DOCK4: variants seen among roughly 807,000 people sequenced by gnomAD.
The protein encoded by DOCK4 is dedicator of cytokinesis 4, also known as dedicator of cytokinesis protein 4.
DOCK4 carries 97 observed loss-of-function variants against 268.1 expected under a neutral mutation model. That is an observed-to-expected ratio of 0.36 (90% CI 0.31 to 0.43). The LOEUF (loss-of-function observed/expected upper bound fraction) is 0.43, where lower values mean the gene tolerates loss of function less well. DOCK4 is among the 20% of genes least tolerant of loss of function. The pLI is 1.00. For synonymous variants in DOCK4, 954 were observed against 887.2 expected (o/e 1.08, Z -1.34); for missense variants, 2,145 against 2,455.7 (o/e 0.87, Z 2.67).
intron 25 of DOCK4, 108 bp downstream of exon 25, chr7:111,844,655 G>A (rs998393960): frequency 7.3e-6 from 10 of 1,363,170 alleles, no homozygotes; most frequent in African/African-American, 5.9e-5. Flanking sequence ...ATGCTGATGG[G>A]TTACTCTCCT....
intron 1 of DOCK4, among the ~76,000 whole-genome samples, chr7:112,011,392 A>C (rs943191830): frequency 3.3e-5 from 5 of 152,168 alleles, no homozygotes; most frequent in Non-Finnish European, 5.9e-5. Context: ...CTTCTGGCCC[A>C]ATTTGTTTAA....
intron 1 of DOCK4, among the ~76,000 whole-genome samples, chr7:112,168,064 A>T (rs1215584709): frequency 6.6e-6 from 1 of 152,180 alleles, no homozygotes. Flanking sequence ...AAAAAAAAAA[A>T]ATACTAGTAC....
rs532415992 is a variant in DOCK4, at chr7:112,092,457, G to A, written c.38-88326C>T. Among the ~76,000 whole-genome samples the A allele has an allele frequency of 1.3e-3, 194 of 152,208 alleles. 1 individual carries two copies. The highest frequency in any genetic ancestry group is 3.4e-3 in the Middle Eastern group (1 of 294). ...CAAAACAGCTCCCTACAGAGCTGACGTGTGCACACTTTTGATCTCAAGTAT... is the reference window on the plus strand; with the variant it reads ...CAAAACAGCTCCCTACAGAGCTGACATGTGCACACTTTTGATCTCAAGTAT... On this transcript the variant is annotated intron_variant, in intron 1 of 52. Coordinates refer to ENST00000428084, the MANE Select transcript of DOCK4 (RefSeq NM_001363540.2).
chr7:111,934,328 T>C (rs1794507780), intron 12 of DOCK4, among the ~76,000 whole-genome samples: 1 of 152,190 alleles, frequency 6.6e-6, no homozygotes, highest in South Asian at 2.1e-4. Context: ...CAATACTATG[T>C]ACCTCATACG....
intron 1 of DOCK4, among the ~76,000 whole-genome samples, chr7:112,053,817 C>T (rs1360270536): frequency 6.6e-6 from 1 of 152,178 alleles, no homozygotes; most frequent in Admixed American, 6.5e-5. Flanking sequence ...GCGCTGGGAC[C>T]TTACCTAAGC....
intron 8 of DOCK4, among the ~76,000 whole-genome samples, chr7:111,949,091 C>T (rs1220405944): frequency 6.6e-6 from 1 of 152,096 alleles, no homozygotes; most frequent in African/African-American, 2.4e-5. Context: ...CATTTTAGCA[C>T]AAAACATAAG....
chr7:111,768,716 G>A (rs1195814881), intron 37 of DOCK4, among the ~76,000 whole-genome samples: 2 of 152,112 alleles, frequency 1.3e-5, no homozygotes, highest in Admixed American at 1.3e-4. Context: ...GTATATGATG[G>A]GATGCCACAA....
intron 26 of DOCK4, among the ~76,000 whole-genome samples, chr7:111,824,854 T>A (rs1448088282): frequency 1.3e-5 from 2 of 152,208 alleles, no homozygotes; most frequent in Non-Finnish European, 2.9e-5. Context: ...TGAACTGACA[T>A]AAATCTTTAT....
At chr7:112,018,022 T>TA (rs988495601) in intron 1 of DOCK4, among the ~76,000 whole-genome samples, 4 of 150,142 alleles carry the variant, frequency 2.7e-5, no homozygotes, top group East Asian at 2.0e-4. Flanking sequence ...CCGTCTCTAC[T>TA]AAAAAAAATA....
At chr7:112,136,715 T>C (rs1405580774) in intron 1 of DOCK4, among the ~76,000 whole-genome samples, 2 of 152,266 alleles carry the variant, frequency 1.3e-5, no homozygotes, top group Admixed American at 6.5e-5. Flanking sequence ...CAGGCAGGGC[T>C]TTTTGGAAAC....
At chr7:111,861,838 A>T (rs1805561197) in intron 23 of DOCK4, among the ~76,000 whole-genome samples, 2 of 151,638 alleles carry the variant, frequency 1.3e-5, no homozygotes, top group South Asian at 4.1e-4. Context: ...AGATGAAATG[A>T]TTTAAAAATT....
intron 39 of DOCK4, among the ~76,000 whole-genome samples, chr7:111,761,781 T>A (rs140681079): frequency 0.011 from 1,619 of 152,176 alleles, 33 homozygotes; most frequent in African/African-American, 0.035. Context: ...CCCCTAAATA[T>A]ATCATGATCT....
At chr7:111,870,547 C>G (rs1212802746) in intron 20 of DOCK4, among the ~76,000 whole-genome samples, 2 of 152,038 alleles carry the variant, frequency 1.3e-5, no homozygotes, top group African/African-American at 2.4e-5. Flanking sequence ...GTCTTGAACT[C>G]CTGACCTCAA....
chr7:111,732,364 AC>A, intron 51 of DOCK4, 77 bp from the exon 52 acceptor site: 2 of 1,452,550 alleles, frequency 1.4e-6, no homozygotes, highest in African/African-American at 2.8e-5. Context: ...CCTCTGTGTT[AC>A]AAACCCAAAC....
Position 112,135,234 on chromosome 7 carries a change from T to C in DOCK4, c.37+70868A>G, listed in dbSNP as rs180971790. On this transcript the variant is annotated intron_variant, in intron 1 of 52. Coordinates refer to ENST00000428084, the MANE Select transcript of DOCK4 (RefSeq NM_001363540.2). ...TATGATTAAGGCTTATTGATAAATA[T>C]AGATTGAATTTTAAGTCATTTTAAA... is the stretch of plus-strand genomic sequence containing the variant. Among the ~76,000 whole-genome samples, 9 of 152,294 alleles carry C rather than the reference T, an allele frequency of 5.9e-5. No individual in the cohort carries two copies. The East Asian group carries it at 1.7e-3, about 29-fold the overall frequency.
intron 13 of DOCK4, among the ~76,000 whole-genome samples, chr7:111,911,340 G>A (rs1356952407): frequency 6.6e-6 from 1 of 152,106 alleles, no homozygotes; most frequent in African/African-American, 2.4e-5. Flanking sequence ...AAGTAACAAA[G>A]GAAAACAAAA....
chr7:111,820,498 CTG>C (rs1418348204), intron 27 of DOCK4: 1 of 152,174 alleles, frequency 6.6e-6, no homozygotes, highest in East Asian at 1.9e-4. Context: ...TTGGTTAACA[CTG>C]TAAATGAAAA....
chr7:111,742,388 T>C (rs1036498976), intron 44 of DOCK4, among the ~76,000 whole-genome samples: 2 of 152,200 alleles, frequency 1.3e-5, no homozygotes, highest in African/African-American at 4.8e-5. Flanking sequence ...CCCAGGCTTC[T>C]TTCCCATGTA....
rs751288054 is a variant in DOCK4, at chr7:111,868,019, C to T, written c.2245G>A (p.Glu749Lys). The change falls in exon 22 of 53, where the codon GAG becomes AAG. Residue 749 changes from glutamate (E) to lysine (K), a missense_variant. Physicochemically the swap from Glu to Lys is moderately conservative, Grantham distance 56. This residue lies in a region of DOCK4 where 1,598 missense variants were observed against 1,986.7 expected (regional missense o/e 0.80). Coordinates refer to ENST00000428084, the MANE Select transcript of DOCK4 (RefSeq NM_001363540.2). ...GATAATGCTCCAGACCCTTTGCTCT[C>T]TTGCGAAAGAAAGAAACGGACTGAC... Reference protein sequence around the residue: ...LMSVRFFLSQESKGSGALSQS... With the variant: ...LMSVRFFLSQKSKGSGALSQS... 6 of 1,612,180 alleles carry T rather than the reference C, an allele frequency of 3.7e-6. No individual in the cohort carries two copies. The African/African-American group carries it at 8.0e-5, about 22-fold the overall frequency.
Sources: allele counts gnomAD v4.1 joint callset (sites outside exome capture counted in the v4.1 genomes callset), GRCh38; gene constraint gnomAD v4.1.1; regional missense constraint gnomAD v4.1.1; transcripts MANE v1.5; gene names NCBI Gene and HGNC (gene_info 2026-07-23, HGNC 2026-07-21).